Variants in ARHGAP39 observed in about 807,000 individuals in gnomAD.
ARHGAP39 encodes rho GTPase-activating protein 39.
Under a neutral mutation model 106.9 loss-of-function variants are expected in ARHGAP39, and 44 were observed. The observed-to-expected ratio is 0.41, with a 90% CI of 0.32 to 0.53. The LOEUF is 0.53. Among genes scored for constraint, ARHGAP39 ranks in the 20% least tolerant of loss-of-function variants. The pLI, the probability that ARHGAP39 is intolerant of heterozygous loss-of-function variation, is 0.21. For synonymous variants in ARHGAP39, 768 were observed against 693.2 expected, an observed-to-expected ratio of 1.11 and a Z score of -1.69; for missense variants, 1,496 against 1,577.3, an observed-to-expected ratio of 0.95 and a Z score of 0.87.
chr8:144,571,960 C>T (rs1818602642), intron 3 of ARHGAP39, among the ~76,000 whole-genome samples: 2 of 152,152 alleles, frequency 1.3e-5, no homozygotes, highest in African/African-American at 4.8e-5. Flanking sequence ...GAACTACAAA[C>T]CACTGCACAA....
At chr8:144,675,033 C>T (rs1822196715) in intron 1 of ARHGAP39, among the ~76,000 whole-genome samples, 2 of 152,084 alleles carry the variant, frequency 1.3e-5, no homozygotes, top group African/African-American at 2.4e-5. Context: ...AGCTAGGCAG[C>T]TGCAGCTGTG....
Position 144,565,980 on chromosome 8 carries a change from G to C in ARHGAP39, c.513-10337C>G, listed in dbSNP as rs111891635. ...GGAAGTCAGCAAGCTTGTGGTCCCAGCTACTCAGGAAGCAGAGGTGGGAGG... is the reference window on the plus strand; with the variant it reads ...GGAAGTCAGCAAGCTTGTGGTCCCACCTACTCAGGAAGCAGAGGTGGGAGG... On this transcript the variant is annotated intron_variant, in intron 3 of 11. Transcript: ENST00000377307. Among the ~76,000 whole-genome samples, 534 of 151,486 alleles carry C rather than the reference G, an allele frequency of 3.5e-3. 3 individuals carry two copies. The highest frequency in any genetic ancestry group is 0.012 in the African/African-American group (510 of 41,184).
intron 1 of ARHGAP39, among the ~76,000 whole-genome samples, chr8:144,673,202 T>C (rs1008818809): frequency 2.0e-5 from 3 of 147,932 alleles, no homozygotes; most frequent in Non-Finnish European, 4.4e-5. Context: ...GGGTGATAGA[T>C]TGAGAACCTG....
intron 4 of ARHGAP39, among the ~76,000 whole-genome samples, chr8:144,552,965 C>T (rs1290906734): frequency 2.0e-5 from 3 of 152,182 alleles, no homozygotes; most frequent in South Asian, 2.1e-4. Context: ...CAAGGCCTTC[C>T]GAGCCCAGCG....
chr8:144,684,476 T>G lies in ARHGAP39; in HGVS notation c.-82+1210A>C, dbSNP rs2129779490. Among the ~76,000 whole-genome samples the G allele has an allele frequency of 6.6e-6, 1 of 151,970 alleles. No homozygotes were observed. The highest frequency in any genetic ancestry group is 1.9e-4 in the East Asian group (1 of 5,182). Reference sequence around the variant, plus strand: ...CACGAGAAGCCTCACCACTGTAGGTTTTTCAGCAGAGGTCACTGGAGGTCT... The same window carrying G: ...CACGAGAAGCCTCACCACTGTAGGTGTTTCAGCAGAGGTCACTGGAGGTCT... On this transcript the variant is annotated intron_variant, in intron 1 of 11. Coordinates refer to ENST00000377307, the MANE Select transcript of ARHGAP39 (RefSeq NM_025251.3). The surrounding 1 kb of genome is among the most constrained non-coding windows in gnomAD (Gnocchi z 4.4).
intron 1 of ARHGAP39, among the ~76,000 whole-genome samples, chr8:144,634,885 G>A (rs1366528883): frequency 2.0e-5 from 3 of 152,184 alleles, no homozygotes; most frequent in Non-Finnish European, 2.9e-5. Context: ...CGGCTCCCGG[G>A]AACTCCAGGC....
chr8:144,532,552 G>A (rs888715543), intron 9 of ARHGAP39, among the ~76,000 whole-genome samples, 156 bp from the exon 10 acceptor site: 4 of 152,138 alleles, frequency 2.6e-5, no homozygotes, highest in African/African-American at 4.8e-5. Flanking sequence ...TCCCACGAAC[G>A]TGGGTGGGTG....
At chr8:144,537,901 G>A (rs2075465307) in intron 6 of ARHGAP39, 88 bp from the exon 7 acceptor site, 3 of 1,185,530 alleles carry the variant, frequency 2.5e-6, no homozygotes, top group South Asian at 2.5e-5. Context: ...TGGTGAGCAG[G>A]CCCCTGGGCC....
intron 3 of ARHGAP39, 75 bp downstream of exon 3, chr8:144,580,771 C>A (rs1818945434): frequency 2.7e-6 from 1 of 376,726 alleles, no homozygotes; most frequent in Non-Finnish European, 4.1e-6. Context: ...CCGCCCACCA[C>A]CCCCTACCTG....
chr8:144,536,351 AG>A (rs935702731), intron 7 of ARHGAP39, among the ~76,000 whole-genome samples: 8 of 152,082 alleles, frequency 5.3e-5, no homozygotes, highest in African/African-American at 1.9e-4. Flanking sequence ...AGGTGTGGCC[AG>A]GGCCTCCTGA....
At chr8:144,571,843 A>G (rs181077436) in intron 3 of ARHGAP39, among the ~76,000 whole-genome samples, 3,334 of 152,244 alleles carry the variant, frequency 0.022, 55 homozygotes, top group Non-Finnish European at 0.028. Context: ...CTATACACCA[A>G]TAACAGACAG....
At chr8:144,577,324 T>C (rs1168575703) in intron 3 of ARHGAP39, among the ~76,000 whole-genome samples, 1 of 151,412 alleles carries the variant, frequency 6.6e-6, no homozygotes, top group Admixed American at 6.6e-5. Flanking sequence ...CACTGACAGA[T>C]AGACTGAAGG....
At chr8:144,617,205 TA>T (rs377397330) in intron 1 of ARHGAP39, among the ~76,000 whole-genome samples, 138 of 139,318 alleles carry the variant, frequency 9.9e-4, no homozygotes, top group Middle Eastern at 3.7e-3. Flanking sequence ...AGACTCTGTG[TA>T]AAAAAAAAAA....
At chr8:144,697,352 C>T in the ARHGAP39 span, among the ~76,000 whole-genome samples, 3 of 150,384 alleles carry the variant, frequency 2.0e-5, no homozygotes, top group African/African-American at 4.9e-5. Context: ...TTTAGCATAT[C>T]GTTCTATAAA....
At chr8:144,599,805 C>G (rs1409030279) in intron 2 of ARHGAP39, among the ~76,000 whole-genome samples, 1 of 152,190 alleles carries the variant, frequency 6.6e-6, no homozygotes, top group Admixed American at 6.5e-5. Flanking sequence ...TGAGGGAATG[C>G]AAATGAACCC....
intron 1 of ARHGAP39, among the ~76,000 whole-genome samples, chr8:144,623,271 G>A (rs1820851156): frequency 6.6e-6 from 1 of 152,104 alleles, no homozygotes; most frequent in Non-Finnish European, 1.5e-5. Context: ...GTCAAGAAAC[G>A]AAAAAGCAAC....
At chr8:144,699,656 C>T in the ARHGAP39 span, among the ~76,000 whole-genome samples, 3 of 16,658 alleles carry the variant, frequency 1.8e-4, no homozygotes, top group Non-Finnish European at 3.4e-4. Flanking sequence ...GGCTACGGGA[C>T]GGGAGGGTGG....
intron 3 of ARHGAP39, among the ~76,000 whole-genome samples, chr8:144,561,984 CCCAGTGGTTTCCATCACACT>C (rs1564848986): frequency 1.2e-3 from 164 of 135,142 alleles, no homozygotes; most frequent in African/African-American, 3.7e-3. Flanking sequence ...TCCATCGGAC[CCCAGTGGTTTCCATCACACT>C]CCAGTGGTTT....
chr8:144,568,263 G>A (rs1003933867), intron 3 of ARHGAP39, among the ~76,000 whole-genome samples: 1 of 146,790 alleles, frequency 6.8e-6, no homozygotes, highest in Non-Finnish European at 1.5e-5. Context: ...GAACCTGGCA[G>A]GTGGAGGATG....
Sources: allele counts gnomAD v4.1 joint callset (sites outside exome capture counted in the v4.1 genomes callset), GRCh38; gene constraint gnomAD v4.1.1; non-coding constraint Gnocchi (gnomAD v3.1); transcripts MANE v1.5; gene names NCBI Gene and HGNC (gene_info 2026-07-23, HGNC 2026-07-21).